PCLO: variants seen among roughly 807,000 people sequenced by gnomAD.
PCLO encodes the protein protein piccolo.
In PCLO, 82 loss-of-function variants were observed where a neutral mutation model predicts 427.5. That is an observed-to-expected ratio of 0.19 (90% CI 0.16 to 0.23). The LOEUF (loss-of-function observed/expected upper bound fraction) is 0.23. Among genes scored for constraint, PCLO ranks in the 10% least tolerant of loss-of-function variants. The pLI is 1.00. For missense variants in PCLO, 6,239 were observed against 6,115.9 expected, an observed-to-expected ratio of 1.02 and a Z score of -0.67; for synonymous variants, 2,357 against 2,155.4, an observed-to-expected ratio of 1.09 and a Z score of -2.59.
intron 3 of PCLO, among the ~76,000 whole-genome samples, chr7:83,069,799 C>CCACACACACACACACACACACA (rs68086847): frequency 4.0e-5 from 3 of 75,516 alleles, no homozygotes; most frequent in African/African-American, 1.7e-4. Flanking sequence ...ACCCCCCCGC[C>CCACACACACACACACACACACA]CACACACACA....
intron 3 of PCLO, among the ~76,000 whole-genome samples, chr7:83,047,541 C>T (rs963307849): frequency 2.6e-5 from 4 of 151,950 alleles, no homozygotes; most frequent in Non-Finnish European, 4.4e-5. Flanking sequence ...TTGGTTTCCA[C>T]ATTATTAATA....
intron 3 of PCLO, among the ~76,000 whole-genome samples, chr7:82,977,572 C>G (rs1778831494): frequency 6.6e-6 from 1 of 151,798 alleles, no homozygotes; most frequent in South Asian, 2.1e-4. Context: ...ACCACCACAC[C>G]CAGCTAATTT....
Position 83,154,824 on chromosome 7 carries a change from T to C in PCLO, c.1817A>G (p.Asn606Ser), listed in dbSNP as rs1261140778. 1 of 1,613,870 alleles carries C rather than the reference T, an allele frequency of 6.2e-7. No homozygotes were observed. The highest frequency in any genetic ancestry group is 1.7e-5 in the Admixed American group (1 of 60,010). The change falls in exon 2 of 25, where the codon AAT becomes AGT. Residue 606 changes from asparagine (N) to serine (S), a missense_variant. Asn to Ser is a conservative substitution (Grantham distance 46, BLOSUM62 1). This residue lies in a region of PCLO where 4,677 missense variants were observed against 4,468.4 expected (regional missense o/e 1.05). Coordinates refer to ENST00000333891, the MANE Select transcript of PCLO (RefSeq NM_033026.6). ...TTGACACTCAGTGCATGTGTTAAAATTGGCCTTTTCTGGAACATGCAACAG... is the reference window on the plus strand; with the variant it reads ...TTGACACTCAGTGCATGTGTTAAAACTGGCCTTTTCTGGAACATGCAACAG... ...ELLLHVPEKA[N>S]FNTCTECQTT... is the part of the protein sequence containing the mutation.
chr7:82,984,170 C>T (rs190415158), intron 3 of PCLO, among the ~76,000 whole-genome samples: 2 of 151,980 alleles, frequency 1.3e-5, no homozygotes, highest in East Asian at 1.9e-4. Context: ...CTTAACTAAT[C>T]AAGTCATTTC....
At chr7:82,875,471 A>T (rs1222200709) in intron 10 of PCLO, among the ~76,000 whole-genome samples, 1 of 151,830 alleles carries the variant, frequency 6.6e-6, no homozygotes, top group Non-Finnish European at 1.5e-5. Context: ...TCTTTTTTTC[A>T]ATCAAATAAC....
intron 3 of PCLO, among the ~76,000 whole-genome samples, chr7:83,116,363 T>C (rs1305800267): frequency 6.6e-6 from 1 of 152,194 alleles, no homozygotes; most frequent in African/African-American, 2.4e-5. Flanking sequence ...TATTAAATTA[T>C]AGAACATGTG....
chr7:82,801,433 T>A, intron 22 of PCLO, 85 bp downstream of exon 22: 1 of 739,846 alleles, frequency 1.4e-6, no homozygotes, highest in East Asian at 2.5e-5. Flanking sequence ...AACATTTAAA[T>A]TCATGTTAAA....
intron 6 of PCLO, among the ~76,000 whole-genome samples, chr7:82,945,179 A>G (rs1476558820): frequency 6.6e-6 from 1 of 152,002 alleles, no homozygotes; most frequent in Non-Finnish European, 1.5e-5. Context: ...ATGTTTTTCC[A>G]TTTTTACTCA....
intron 22 of PCLO, among the ~76,000 whole-genome samples, chr7:82,766,103 G>T (rs1790527003): frequency 2.0e-5 from 3 of 152,010 alleles, no homozygotes; most frequent in South Asian, 4.1e-4. Context: ...AAAACCCTGA[G>T]AATTATTACT....
At chr7:83,069,214 C>T (rs1056438474) in intron 3 of PCLO, among the ~76,000 whole-genome samples, 1 of 152,110 alleles carries the variant, frequency 6.6e-6, no homozygotes, top group East Asian at 1.9e-4. Context: ...GCATCCTTCA[C>T]TCCCATACAA....
intron 3 of PCLO, among the ~76,000 whole-genome samples, chr7:83,120,893 A>G (rs1791260553): frequency 6.6e-6 from 1 of 152,212 alleles, no homozygotes; most frequent in Non-Finnish European, 1.5e-5. Context: ...AAATTGTCTG[A>G]AGGCACAAAA....
chr7:82,779,952 A>G (rs1022027346), intron 22 of PCLO, among the ~76,000 whole-genome samples: 8 of 152,122 alleles, frequency 5.3e-5, no homozygotes, highest in African/African-American at 1.9e-4. Flanking sequence ...GATGAAATGA[A>G]CTAATAGAGT....
chr7:82,771,219 C>T (rs904790996), intron 22 of PCLO, among the ~76,000 whole-genome samples: 2 of 151,868 alleles, frequency 1.3e-5, no homozygotes, highest in Admixed American at 6.6e-5. Context: ...CTCCCTTATT[C>T]AGATCCCTTT....
chr7:82,824,437 T>A (rs756127056), intron 18 of PCLO, 21 bp from the exon 19 acceptor site: 9 of 1,502,872 alleles, frequency 6.0e-6, no homozygotes, highest in Non-Finnish European at 7.3e-6. Flanking sequence ...GTGTAACAAA[T>A]AAATGAAATT....
At chr7:83,069,799 C>CCCCCCCCCCACA (rs1554390635) in intron 3 of PCLO, among the ~76,000 whole-genome samples, 1 of 75,512 alleles carries the variant, frequency 1.3e-5, no homozygotes, top group Non-Finnish European at 2.4e-5. Context: ...ACCCCCCCGC[C>CCCCCCCCCCACA]CACACACACA....
At chr7:82,980,575 T>C (rs577906370) in intron 3 of PCLO, among the ~76,000 whole-genome samples, 7 of 152,242 alleles carry the variant, frequency 4.6e-5, no homozygotes, top group African/African-American at 1.2e-4. Context: ...GGCTGAAAAA[T>C]AGAATTTAAA....
At chr7:82,923,818 CA>C (rs1172991546) in intron 6 of PCLO, among the ~76,000 whole-genome samples, 2 of 151,966 alleles carry the variant, frequency 1.3e-5, no homozygotes, top group Non-Finnish European at 2.9e-5. Context: ...ATTTATGGTC[CA>C]GCATCAATAT....
chr7:82,992,669 T>C (rs1348641271), intron 3 of PCLO, among the ~76,000 whole-genome samples: 2 of 151,916 alleles, frequency 1.3e-5, no homozygotes, highest in East Asian at 3.9e-4. Context: ...AGATGACGGG[T>C]TCATAGGTGC....
intron 8 of PCLO, among the ~76,000 whole-genome samples, chr7:82,907,102 T>C (rs1463560320): frequency 6.6e-6 from 1 of 151,998 alleles, no homozygotes; most frequent in Non-Finnish European, 1.5e-5. Context: ...GAATATTTCA[T>C]TTACATATTT....
Sources: allele counts gnomAD v4.1 joint callset (sites outside exome capture counted in the v4.1 genomes callset), GRCh38; gene constraint gnomAD v4.1.1; regional missense constraint gnomAD v4.1.1; transcripts MANE v1.5; gene names NCBI Gene and HGNC (gene_info 2026-07-23, HGNC 2026-07-21).